Variants in SKAP1 observed in about 807,000 individuals in gnomAD.
The protein encoded by SKAP1 is src kinase-associated phosphoprotein 1.
In SKAP1, 44 loss-of-function variants were observed where a neutral mutation model predicts 58.5. The ratio of observed to expected loss-of-function variants is 0.75; its 90% CI spans 0.59 to 0.97. SKAP1 has a LOEUF of 0.97. SKAP1 is among the 50% of genes least tolerant of loss of function. The pLI, the probability that SKAP1 is intolerant of heterozygous loss-of-function variation, is 0.00. For missense variants in SKAP1, 390 were observed against 435.2 expected (o/e 0.90, Z 0.92); for synonymous variants, 127 against 149.7 (o/e 0.85, Z 1.11).
Position 48,396,715 on chromosome 17 carries a change from G to A in SKAP1, c.117C>T (p.Asp39=), listed in dbSNP as rs1453786574. 3 of 1,613,018 alleles carry A rather than the reference G, an allele frequency of 1.9e-6. No homozygotes were observed. Among genetic ancestry groups the A allele is most frequent in the African/African-American group, 2.7e-5 (2 of 74,868 alleles). The change falls in exon 2 of 13, where the codon GAC becomes GAT. Residue 39 remains aspartate, a synonymous_variant. Coordinates refer to ENST00000336915, the MANE Select transcript of SKAP1 (RefSeq NM_003726.4). ...NLSAVARDHR[D]HILRGFQQIK... is the part of the protein sequence containing the mutation. ...TTTGCTGAAAGCCCCGTAGAATATG[G>A]TCTCTGTGATCCCTTGCAACAGCGC...
In SKAP1 at chr17:48,327,846, G is replaced by A. The variant is rs144435467; in HGVS notation, c.280+18059C>T. ...GGGGTTTTGCCATGTTGCCCAGGCT[G>A]GTCTCAAACTCCTGAGCTCAAGTGA... On this transcript the variant is annotated intron_variant, in intron 4 of 12. Coordinates refer to ENST00000336915, the MANE Select transcript of SKAP1 (RefSeq NM_003726.4). Among the ~76,000 whole-genome samples the A allele has an allele frequency of 4.0e-3, 606 of 152,164 alleles. 8 individuals carry two copies. Among genetic ancestry groups the A allele is most frequent in the African/African-American group, 0.014 (580 of 41,488 alleles).
intron 4 of SKAP1, among the ~76,000 whole-genome samples, chr17:48,205,015 T>TTTTC (rs1555602831): frequency 1.8e-5 from 1 of 55,678 alleles, no homozygotes; most frequent in Admixed American, 1.9e-4. Flanking sequence ...CTTTCTTTCT[T>TTTTC]TTTCTTTCTT....
Position 48,221,961 on chromosome 17 carries a change from G to C in SKAP1, c.281-32461C>G, listed in dbSNP as rs1302179133. ...ATAAAGGAGGGAGAAAGCCCAATTG[G>C]TTAACATCTATAATTTGTAGTGATT... On this transcript the variant is annotated intron_variant, in intron 4 of 12. Transcript: ENST00000336915. Among the ~76,000 whole-genome samples, 4 of 152,240 alleles carry C rather than the reference G, an allele frequency of 2.6e-5. No homozygotes were observed. The East Asian group carries it at 7.7e-4, about 29-fold the overall frequency.
chr17:48,197,133 C>T (rs901274752), intron 4 of SKAP1, among the ~76,000 whole-genome samples: 1 of 151,918 alleles, frequency 6.6e-6, no homozygotes, highest in African/African-American at 2.4e-5. Flanking sequence ...TGGTGCACAC[C>T]TGTAATCCCA....
Position 48,222,000 on chromosome 17 carries a change from T to C in SKAP1, c.281-32500A>G, listed in dbSNP as rs182526853. Among the ~76,000 whole-genome samples, 236 of 152,288 alleles carry C rather than the reference T, an allele frequency of 1.5e-3. 2 individuals are homozygous for C. The highest frequency in any genetic ancestry group is 5.5e-3 in the African/African-American group (228 of 41,550). ...TTTGTAGTGATTCTGTGATGAAATA[T>C]GGTATGTAAATGTAAAGAATTATTA... On this transcript the variant is annotated intron_variant, in intron 4 of 12. Transcript: ENST00000336915.
chr17:48,144,517 T>C (rs566923584), intron 11 of SKAP1, among the ~76,000 whole-genome samples: 1 of 152,306 alleles, frequency 6.6e-6, no homozygotes, highest in South Asian at 2.1e-4. Context: ...TAAAACAACA[T>C]TAAACTCACA....
intron 2 of SKAP1, among the ~76,000 whole-genome samples, chr17:48,386,337 A>T (rs1334258653): frequency 6.7e-6 from 1 of 148,180 alleles, no homozygotes; most frequent in African/African-American, 2.5e-5. Flanking sequence ...TGACTATAAG[A>T]CCATTCATGC....
intron 1 of SKAP1, among the ~76,000 whole-genome samples, chr17:48,402,479 G>A (rs541795857): frequency 4.6e-5 from 7 of 152,204 alleles, no homozygotes; most frequent in African/African-American, 1.7e-4. Context: ...ACAGGTGCAT[G>A]CCACCATGCT....
At chr17:48,348,356 GAAAAGAAAGAAA>G (rs2144338362) in intron 3 of SKAP1, among the ~76,000 whole-genome samples, 1 of 141,424 alleles carries the variant, frequency 7.1e-6, no homozygotes, top group Admixed American at 7.0e-5. Context: ...AAAAAAAAAA[GAAAAGAAAGAAA>G]AGAAGAAAGA....
intron 2 of SKAP1, among the ~76,000 whole-genome samples, chr17:48,393,960 G>T (rs751158013): frequency 6.6e-6 from 1 of 152,106 alleles, no homozygotes; most frequent in African/African-American, 2.4e-5. Flanking sequence ...AATAGGCCAG[G>T]CACAGAGACT....
At chr17:48,197,109 T>A (rs1376270358) in intron 4 of SKAP1, among the ~76,000 whole-genome samples, 1 of 151,844 alleles carries the variant, frequency 6.6e-6, no homozygotes, top group Non-Finnish European at 1.5e-5. Flanking sequence ...ATACAAAAAA[T>A]TAGCTGGGCA....
At chr17:48,296,400 G>A (rs528626657) in intron 4 of SKAP1, among the ~76,000 whole-genome samples, 1 of 152,236 alleles carries the variant, frequency 6.6e-6, no homozygotes, top group East Asian at 1.9e-4. Flanking sequence ...AAGCAAGGTG[G>A]TTGTTGTTGT....
At chr17:48,331,554 C>T (rs2066507572) in intron 4 of SKAP1, among the ~76,000 whole-genome samples, 1 of 152,048 alleles carries the variant, frequency 6.6e-6, no homozygotes, top group African/African-American at 2.4e-5. Flanking sequence ...ACAAAATTAG[C>T]CGGGCGTGGT....
At chr17:48,364,391 C>G (rs1287201749) in intron 2 of SKAP1, among the ~76,000 whole-genome samples, 1 of 152,096 alleles carries the variant, frequency 6.6e-6, no homozygotes, top group Non-Finnish European at 1.5e-5. Flanking sequence ...ACAAGTGAAA[C>G]ATGGGCCGGG....
At chr17:48,198,495 T>C (rs2064676504) in intron 4 of SKAP1, among the ~76,000 whole-genome samples, 1 of 147,264 alleles carries the variant, frequency 6.8e-6, no homozygotes, top group South Asian at 2.2e-4. Flanking sequence ...GTTTTAAGTT[T>C]TTCTATAACA....
the SKAP1 span, among the ~76,000 whole-genome samples, chr17:48,443,339 TCTC>T: frequency 1.3e-5 from 2 of 152,332 alleles, no homozygotes; most frequent in South Asian, 4.1e-4. Flanking sequence ...CCACCTGTCT[TCTC>T]CTCCTGAGGG....
chr17:48,442,739 GCCA>G, the SKAP1 span, among the ~76,000 whole-genome samples: 1 of 151,982 alleles, frequency 6.6e-6, no homozygotes, highest in African/African-American at 2.4e-5. Flanking sequence ...CTAGTCTGTT[GCCA>G]CCATCCTGGT....
At chr17:48,347,563 G>A (rs1439339650) in intron 3 of SKAP1, among the ~76,000 whole-genome samples, 1 of 151,910 alleles carries the variant, frequency 6.6e-6, no homozygotes, top group Non-Finnish European at 1.5e-5. Context: ...TACAAATATA[G>A]GACTTTAGAA....
At position 48,430,202 on chromosome 17, in the gene SKAP1, G is replaced by A. The variant is rs557539980; in HGVS notation, c.-82C>T. On this transcript the variant is annotated 5_prime_UTR_variant, in exon 1 of 13. Transcript: ENST00000336915. Reference sequence around the variant, plus strand: ...GGCTGGAAGGCGACCCGGCTGCACCGCGAGGCACCTGTACCTCAGCCGCGG... The same window carrying A: ...GGCTGGAAGGCGACCCGGCTGCACCACGAGGCACCTGTACCTCAGCCGCGG... 2.3e-4 allele frequency: 263 copies of A among 1,151,524 alleles called. No individual in the cohort carries two copies. The highest frequency in any genetic ancestry group is 9.8e-4 in the Middle Eastern group (3 of 3,074). 71.3% of individuals were successfully genotyped at this position (1,151,524 alleles called of 1,614,324 possible). A position where few individuals can be genotyped will look rare whatever the true frequency, so the allele number is the denominator to read the frequency against.
Sources: allele counts gnomAD v4.1 joint callset (sites outside exome capture counted in the v4.1 genomes callset), GRCh38; gene constraint gnomAD v4.1.1; transcripts MANE v1.5; gene names NCBI Gene and HGNC (gene_info 2026-07-23, HGNC 2026-07-21).